Variants in ATP5PO observed in about 807,000 individuals in gnomAD.
ATP5PO encodes the protein ATP synthase peripheral stalk subunit OSCP, mitochondrial.
In ATP5PO, 14 loss-of-function variants were observed where a neutral mutation model predicts 26.2. That is an observed-to-expected ratio of 0.53 (90% CI 0.35 to 0.83). The LOEUF (loss-of-function observed/expected upper bound fraction) is 0.83. Ranked by LOEUF, ATP5PO falls within the 40% of genes least tolerant of loss-of-function variation. ATP5PO has a pLI of 0.01. For missense variants in ATP5PO, 241 were observed against 258.5 expected (o/e 0.93, Z 0.46); for synonymous variants, 106 against 95.1 (o/e 1.12, Z -0.67).
chr21:33,907,701 C>T (rs1360299852), intron 4 of ATP5PO, among the ~76,000 whole-genome samples: 1 of 152,174 alleles, frequency 6.6e-6, no homozygotes, highest in Non-Finnish European at 1.5e-5. Flanking sequence ...TGGTGCATGT[C>T]TATAGTCCCA....
intron 4 of ATP5PO, among the ~76,000 whole-genome samples, chr21:33,907,729 G>C (rs372567308): frequency 6.6e-6 from 1 of 152,220 alleles, no homozygotes; most frequent in African/African-American, 2.4e-5. Context: ...AGGAGGCTGA[G>C]GCAGGAAGAT....
intron 5 of ATP5PO, chr21:33,906,647 G>A (rs936737907): frequency 2.6e-5 from 12 of 455,932 alleles, no homozygotes; most frequent in Middle Eastern, 3.3e-4. Flanking sequence ...AAGGCCCAAC[G>A]GCTCTACTCC....
intron 3 of ATP5PO, among the ~76,000 whole-genome samples, chr21:33,911,222 T>C (rs756191608): frequency 2.4e-4 from 37 of 152,202 alleles, no homozygotes; most frequent in African/African-American, 7.7e-4. Flanking sequence ...CATTCTCCTA[T>C]TCAGTTACAA....
intron 2 of ATP5PO, among the ~76,000 whole-genome samples, chr21:33,913,929 G>A (rs1331448318): frequency 1.3e-5 from 2 of 152,046 alleles, no homozygotes; most frequent in African/African-American, 4.8e-5. Flanking sequence ...ATAGGCATGC[G>A]CCACTATGCC....
At chr21:33,907,480 C>G in intron 4 of ATP5PO, 27 bp from the exon 5 acceptor site, 1 of 1,571,438 alleles carries the variant, frequency 6.4e-7, no homozygotes, top group Non-Finnish European at 8.8e-7. Flanking sequence ...GTCTCAGTAA[C>G]AAGAAACTCA....
chr21:33,912,317 T>C lies in ATP5PO; in HGVS notation c.170A>G (p.Gln57Arg). The change falls in exon 3 of 7, where the codon CAA becomes CGA. Residue 57 changes from glutamine (Q) to arginine (R), a missense_variant. Transcript: ENST00000290299. ...SAASKQNKLE[Q>R]VEKELLRVAQ... ...TACTCTCAACAACTCCTTTTCTACT[T>C]GCTCCAGCTTATTCTGTTTTGATGC... is the stretch of plus-strand genomic sequence containing the variant. The C allele has an allele frequency of 6.2e-7, 1 of 1,613,382 alleles. No individual in the cohort carries two copies. The highest frequency in any genetic ancestry group is 1.1e-5 in the South Asian group (1 of 91,008).
At chr21:33,912,901 G>T (rs959450863) in intron 2 of ATP5PO, among the ~76,000 whole-genome samples, 6 of 152,220 alleles carry the variant, frequency 3.9e-5, no homozygotes, top group Non-Finnish European at 8.8e-5. Flanking sequence ...GATGTTCAGT[G>T]TAACAGAGCC....
At chr21:33,909,433 T>A (rs1987220013) in intron 3 of ATP5PO, among the ~76,000 whole-genome samples, 1 of 139,118 alleles carries the variant, frequency 7.2e-6, no homozygotes, top group Non-Finnish European at 1.6e-5. Context: ...GTCCCGCTAA[T>A]TTTTGTATTT....
intron 1 of ATP5PO, 37 bp downstream of exon 1, chr21:33,915,691 A>T: frequency 1.9e-6 from 3 of 1,557,864 alleles, no homozygotes; most frequent in Non-Finnish European, 2.6e-6. Flanking sequence ...CCCAGGAGGG[A>T]TCCTCCCACT....
At position 33,914,590 on chromosome 21, in the gene ATP5PO, C is replaced by A. The variant is rs7281423; in HGVS notation, c.37-90G>T. 1,684 of 1,203,318 alleles carry A rather than the reference C, an allele frequency of 1.4e-3. 18 individuals are homozygous for A. The African/African-American group carries it at 0.022, about 16-fold the overall frequency. The allele number at this position is 1,203,318 out of a possible 1,614,324, so 74.5% of individuals were successfully genotyped here. ...ATAACAACAAAAAATTTTAAATAAC[C>A]TTAAAATCATTACTTTTGTCTCTTT... On this transcript the variant is annotated intron_variant, in intron 1 of 6. Transcript: ENST00000290299.
chr21:33,915,498 C>T (rs1987301945), intron 1 of ATP5PO: 2 of 592,624 alleles, frequency 3.4e-6, no homozygotes, highest in East Asian at 6.6e-5. Flanking sequence ...AGGGGCTGTG[C>T]TCGGAAGACG....
chr21:33,906,748 G>A (rs1401839631), intron 5 of ATP5PO: 3 of 456,078 alleles, frequency 6.6e-6, no homozygotes, highest in East Asian at 1.4e-4. Context: ...AGCACTTTAG[G>A]AGGCCAAGGC....
chr21:33,903,721 T>A, intron 6 of ATP5PO, 82 bp from the exon 7 acceptor site: 1 of 1,444,598 alleles, frequency 6.9e-7, no homozygotes, highest in Non-Finnish European at 9.7e-7. Context: ...AGGCTAAATG[T>A]GTTGCACAAA....
chr21:33,907,063 A>G (rs1282758844), intron 5 of ATP5PO: 1 of 436,060 alleles, frequency 2.3e-6, no homozygotes, highest in African/African-American at 2.0e-5. Flanking sequence ...CAAACATATA[A>G]TAGAGTCTAA....
intron 4 of ATP5PO, 69 bp downstream of exon 4, chr21:33,909,013 C>T: frequency 1.4e-6 from 2 of 1,463,534 alleles, no homozygotes; most frequent in Non-Finnish European, 1.8e-6. Flanking sequence ...TGATGCCGCC[C>T]ACAGTCCATG....
Position 33,915,798 on chromosome 21 carries a change from G to C in ATP5PO, c.-35C>G. 2 of 1,554,978 alleles carry C rather than the reference G, an allele frequency of 1.3e-6. No homozygotes were observed. Among genetic ancestry groups the C allele is most frequent in the Non-Finnish European group, 1.7e-6 (2 of 1,151,328 alleles). On this transcript the variant is annotated 5_prime_UTR_variant, in exon 1 of 7. Transcript: ENST00000290299. ...GGCGGCTGTAGGTCAAACCCGAGTG[G>C]GAAGAGAGAAACGCGCAAGGGCGCA...
intron 1 of ATP5PO, chr21:33,915,426 C>A: frequency 2.1e-6 from 1 of 474,396 alleles, no homozygotes; most frequent in East Asian, 4.1e-5. Context: ...GTCCATGCCC[C>A]TTCCCCGGAA....
chr21:33,912,183 C>G, intron 3 of ATP5PO, 106 bp downstream of exon 3: 1 of 842,110 alleles, frequency 1.2e-6, no homozygotes, highest in Non-Finnish European at 1.8e-6. Flanking sequence ...ATGGCTTTTT[C>G]CCAGTTTTTT....
chr21:33,911,567 A>G (rs1444238652), intron 3 of ATP5PO, among the ~76,000 whole-genome samples: 1 of 151,890 alleles, frequency 6.6e-6, no homozygotes, highest in African/African-American at 2.4e-5. Context: ...AGCATAGAAT[A>G]TGGCAATTAA....
Sources: allele counts gnomAD v4.1 joint callset (sites outside exome capture counted in the v4.1 genomes callset), GRCh38; gene constraint gnomAD v4.1.1; transcripts MANE v1.5; gene names NCBI Gene and HGNC (gene_info 2026-07-23, HGNC 2026-07-21).